Variants in KCTD1 observed in about 807,000 individuals in gnomAD.
KCTD1 encodes the protein BTB/POZ domain-containing protein KCTD1.
Under a neutral mutation model 66.0 loss-of-function variants are expected in KCTD1, and 24 were observed. The ratio of observed to expected loss-of-function variants is 0.36; its 90% CI spans 0.26 to 0.51. KCTD1 has a LOEUF of 0.51. Among genes scored for constraint, KCTD1 ranks in the 20% least tolerant of loss-of-function variants. KCTD1 has a pLI of 0.95. For missense variants in KCTD1, 943 were observed against 1,205.2 expected (o/e 0.78, Z 3.22); for synonymous variants, 511 against 517.2 (o/e 0.99, Z 0.16).
intron 1 of KCTD1, among the ~76,000 whole-genome samples, chr18:26,613,782 G>A (rs1009699058): frequency 6.6e-6 from 1 of 152,192 alleles, no homozygotes; most frequent in Non-Finnish European, 1.5e-5. Flanking sequence ...AGAATGTGCT[G>A]AAAACATAAT....
intron 1 of KCTD1, among the ~76,000 whole-genome samples, chr18:26,600,657 G>A (rs1373114220): frequency 4.6e-5 from 7 of 151,934 alleles, no homozygotes; most frequent in African/African-American, 9.7e-5. Flanking sequence ...GAACACTCTT[G>A]AGCCCAGGCA....
intron 2 of KCTD1, among the ~76,000 whole-genome samples, chr18:26,481,189 GA>G (rs1294643504): frequency 6.6e-6 from 1 of 152,168 alleles, no homozygotes; most frequent in Non-Finnish European, 1.5e-5. Context: ...TGCTTTTGTG[GA>G]ATTTAAGTCG....
intron 1 of KCTD1, among the ~76,000 whole-genome samples, chr18:26,637,955 G>A (rs904575122): frequency 3.3e-5 from 5 of 152,300 alleles, no homozygotes; most frequent in South Asian, 2.1e-4. Flanking sequence ...ACGTTAGACC[G>A]TCTTAGCAAG....
chr18:26,459,845 G>C lies in KCTD1; in HGVS notation c.2214C>G (p.Asp738Glu), dbSNP rs770087623. Residue 738 changes from aspartate to glutamate, a missense_variant, in exon 4 of 5, where the codon GAC (aspartate) becomes GAG (glutamate). Physicochemically the swap from Asp to Glu is conservative, Grantham distance 45. This residue lies in a region of KCTD1 where 162 missense variants were observed against 232.4 expected (regional missense o/e 0.70). Transcript: ENST00000580059. ...GCCTTGAAAATCGACCAGTTTCTCT[G>C]TCCTGCTTCCATCTTTCCATCTCCA... ...MLLEMERWKQ[D>E]RETGRFSRPC... 1.2e-6 allele frequency: 2 copies of C among 1,613,866 alleles called. No individual in the cohort carries two copies. Among genetic ancestry groups the C allele is most frequent in the South Asian group, 2.2e-5 (2 of 91,070 alleles).
chr18:26,629,808 C>G (rs940922834), upstream of KCTD1, among the ~76,000 whole-genome samples: 1 of 151,404 alleles, frequency 6.6e-6, no homozygotes. Flanking sequence ...ACCTCTACCT[C>G]CTGGGTTCAA....
chr18:26,558,072 G>A (rs1985750601), intron 1 of KCTD1, among the ~76,000 whole-genome samples: 1 of 152,198 alleles, frequency 6.6e-6, no homozygotes, highest in Non-Finnish European at 1.5e-5. Flanking sequence ...GAGAACATTT[G>A]GCTGGGAGGC....
chr18:26,631,943 T>G (rs969305901), upstream of KCTD1, among the ~76,000 whole-genome samples: 4 of 151,406 alleles, frequency 2.6e-5, no homozygotes, highest in African/African-American at 9.7e-5. Context: ...CCAGCTACTC[T>G]GGAGGCTGAG....
intron 1 of KCTD1, among the ~76,000 whole-genome samples, chr18:26,637,954 C>T (rs1455602118): frequency 6.6e-6 from 1 of 152,106 alleles, no homozygotes; most frequent in East Asian, 1.9e-4. Flanking sequence ...AACGTTAGAC[C>T]GTCTTAGCAA....
intron 1 of KCTD1, among the ~76,000 whole-genome samples, chr18:26,613,985 GC>G (rs1987193194): frequency 6.6e-6 from 1 of 152,122 alleles, no homozygotes; most frequent in Non-Finnish European, 1.5e-5. Context: ...GAGCGTTGCA[GC>G]CCCACCACCC....
chr18:26,548,502 G>T lies in KCTD1; in HGVS notation c.35C>A (p.Thr12Asn). The T allele has an allele frequency of 8.0e-7, 1 of 1,247,074 alleles. No homozygotes were observed. Among genetic ancestry groups the T allele is most frequent in the Non-Finnish European group, 1.0e-6 (1 of 1,002,364 alleles). 77.3% of individuals were successfully genotyped at this position (1,247,074 alleles called of 1,614,324 possible). A position where few individuals can be genotyped will look rare whatever the true frequency, so the allele number is the denominator to read the frequency against. The change falls in exon 1 of 5, where the codon ACC becomes AAC. Residue 12 changes from threonine to asparagine, a missense_variant. By Grantham distance (65) the Thr-to-Asn change is moderately conservative (BLOSUM62 0). Around this residue, in one of 10 missense-constraint regions of KCTD1, gnomAD observed 236 missense variants for 206.6 expected, o/e 1.14. Transcript: ENST00000580059. ...AGCGCTGGCGCTGCCGCCCGCGCTG[G>T]TGTTACAGTCCCCGCTGCCAGGCAT... ...ARMPGSGDCN[T>N]SAGGSASAAA...
rs1555649574 is a variant in KCTD1, at chr18:26,647,833, T to TTTTTTG, written c.9+9526_9+9527insCAAAAA. Among the ~76,000 whole-genome samples, 14 of 151,570 alleles carry TTTTTTG rather than the reference T, an allele frequency of 9.2e-5. No homozygotes were observed. In the East Asian group the frequency reaches 2.5e-3, roughly 27 times the overall value. ...GTTTAACAAATCACCTAGATCTTTT[T>TTTTTTG]TTTTGTTTTGTTTTGTTTTTGGAGA... On this transcript the variant is annotated intron_variant, in intron 1 of 4. Transcript: ENST00000580191.
At chr18:26,556,437 C>G (rs1354460901) in intron 1 of KCTD1, among the ~76,000 whole-genome samples, 2 of 152,186 alleles carry the variant, frequency 1.3e-5, no homozygotes, top group African/African-American at 4.8e-5. Flanking sequence ...ACAATCTCCC[C>G]TGACATGGAT....
At chr18:26,627,722 T>G (rs1987533620) in intron 1 of KCTD1, among the ~76,000 whole-genome samples, 1 of 152,232 alleles carries the variant, frequency 6.6e-6, no homozygotes, top group Non-Finnish European at 1.5e-5. Flanking sequence ...TCATTTAGGC[T>G]TAGATGCTGC....
upstream of KCTD1, chr18:26,549,666 T>A: frequency 4.1e-6 from 4 of 970,390 alleles, no homozygotes; most frequent in Non-Finnish European, 4.9e-6. Context: ...AAAGCGAACT[T>A]GTGTCTCGGC....
intron 1 of KCTD1, among the ~76,000 whole-genome samples, chr18:26,613,151 T>C (rs969550090): frequency 3.3e-5 from 5 of 152,112 alleles, no homozygotes; most frequent in Admixed American, 1.3e-4. Context: ...GTATTTTTGG[T>C]TTTTCGGACT....
intron 1 of KCTD1, chr18:26,544,335 T>G (rs1300298090): frequency 6.6e-6 from 1 of 152,186 alleles, no homozygotes; most frequent in Non-Finnish European, 1.5e-5. Flanking sequence ...ATAATATACT[T>G]AACAACACCC....
intron 1 of KCTD1, among the ~76,000 whole-genome samples, chr18:26,540,150 G>A (rs1984908324): frequency 6.6e-6 from 1 of 152,124 alleles, no homozygotes; most frequent in Non-Finnish European, 1.5e-5. Context: ...CCGGACTAGG[G>A]ACATGAAGTA....
At chr18:26,635,729 C>A (rs1182082661) in intron 1 of KCTD1, among the ~76,000 whole-genome samples, 7 of 152,176 alleles carry the variant, frequency 4.6e-5, no homozygotes, top group African/African-American at 1.4e-4. Context: ...TACTGGTACA[C>A]AAACCATAGT....
At chr18:26,491,743 AAC>A (rs1007914694) in intron 2 of KCTD1, among the ~76,000 whole-genome samples, 18 of 152,196 alleles carry the variant, frequency 1.2e-4, no homozygotes, top group Admixed American at 3.3e-4. Flanking sequence ...TCCCAGCACT[AAC>A]AGAGATGCCC....
Sources: allele counts gnomAD v4.1 joint callset (sites outside exome capture counted in the v4.1 genomes callset), GRCh38; gene constraint gnomAD v4.1.1; regional missense constraint gnomAD v4.1.1; transcripts MANE v1.5; gene names NCBI Gene and HGNC (gene_info 2026-07-23, HGNC 2026-07-21).